The following RAPGEF5 variants were observed in gnomAD, a reference collection of about 807,000 sequenced individuals.
The protein encoded by RAPGEF5 is M-Ras-regulated GEF.
In RAPGEF5, 65 loss-of-function variants were observed where a neutral mutation model predicts 125.2. That is an observed-to-expected ratio of 0.52 (90% CI 0.43 to 0.64). The LOEUF (loss-of-function observed/expected upper bound fraction) is 0.64, where lower values mean the gene tolerates loss of function less well. RAPGEF5 is among the 30% of genes least tolerant of loss of function. The probability of loss-of-function intolerance (pLI) is 0.00; values close to 1 mark genes in which losing one functional copy is unlikely to be tolerated. For missense variants in RAPGEF5, 958 were observed against 1,048.1 expected (o/e 0.91, Z 1.19); for synonymous variants, 391 against 385.9 (o/e 1.01, Z -0.16).
chr7:22,340,997 T>G (rs1784117600), intron 1 of RAPGEF5, among the ~76,000 whole-genome samples: 1 of 152,242 alleles, frequency 6.6e-6, no homozygotes, highest in Admixed American at 6.5e-5. Context: ...TGGCCTCAGC[T>G]GCATGAGGTC....
At chr7:22,287,182 C>A (rs1197593013) in intron 6 of RAPGEF5, among the ~76,000 whole-genome samples, 1 of 152,168 alleles carries the variant, frequency 6.6e-6, no homozygotes, top group Non-Finnish European at 1.5e-5. Context: ...GTATGTCTGA[C>A]ACTTGGAAAG....
intron 5 of RAPGEF5, among the ~76,000 whole-genome samples, chr7:22,304,357 T>C (rs914901282): frequency 1.3e-5 from 2 of 152,210 alleles, no homozygotes; most frequent in East Asian, 3.8e-4. Context: ...AAAAACTTGC[T>C]GATAAACATG....
chr7:22,293,034 C>T lies in RAPGEF5; in HGVS notation c.681-1793G>A, dbSNP rs73075394. Among the ~76,000 whole-genome samples, 1,143 of 152,330 alleles carry T rather than the reference C, an allele frequency of 7.5e-3. 16 individuals are homozygous for T. The highest frequency in any genetic ancestry group is 0.054 in the South Asian group (258 of 4,816). On this transcript the variant is annotated intron_variant, in intron 5 of 25. Transcript: ENST00000665637. ...ACTGTCTTTCATTGATCTTCCAGCA[C>T]AAACCATGCCTTAGCAAAAACATCT...
chr7:22,315,551 ATATATATATATATATATT>A (rs1438939331), intron 2 of RAPGEF5, 75 bp from the exon 3 acceptor site: 6 of 414,056 alleles, frequency 1.4e-5, no homozygotes, highest in Non-Finnish European at 1.6e-5. Context: ...AGCATACTAT[ATATATATATATATATATT>A]TATATATATT....
chr7:22,214,858 G>A (rs1562765359), intron 9 of RAPGEF5, among the ~76,000 whole-genome samples: 1 of 152,096 alleles, frequency 6.6e-6, no homozygotes, highest in Non-Finnish European at 1.5e-5. Context: ...CCCTCCAGAG[G>A]CAATCAGACT....
intron 25 of RAPGEF5, among the ~76,000 whole-genome samples, chr7:22,123,573 C>G (rs1364177276): frequency 2.0e-5 from 3 of 152,054 alleles, no homozygotes; most frequent in Admixed American, 6.5e-5. Context: ...CTTTTTTCTC[C>G]TCTATAACAA....
intron 1 of RAPGEF5, among the ~76,000 whole-genome samples, chr7:22,320,688 C>T (rs528711489): frequency 1.3e-5 from 2 of 152,262 alleles, no homozygotes; most frequent in South Asian, 2.1e-4. Flanking sequence ...GGCTTCATCT[C>T]ATCACTCCTG....
rs935324344 is a variant in RAPGEF5 at position 22,137,731 on chromosome 7, C to T, written c.2278-748G>A. On this transcript the variant is annotated intron_variant, in intron 21 of 25. Transcript: ENST00000665637. The stretch of plus-strand genomic sequence containing the variant: ...GTGGTTTGGTGTGTCAGCAAGCTCT[C>T]GGATCTGTTTCTTCAGCTGAGGATG... Among the ~76,000 whole-genome samples the T allele has an allele frequency of 2.6e-5, 4 of 152,122 alleles. 1 individual carries two copies. The highest frequency in any genetic ancestry group is 1.3e-4 in the Admixed American group (2 of 15,268).
At chr7:22,329,880 C>T (rs1393150647) in intron 1 of RAPGEF5, among the ~76,000 whole-genome samples, 2 of 152,106 alleles carry the variant, frequency 1.3e-5, no homozygotes, top group African/African-American at 4.8e-5. Context: ...TCTCTGTCTC[C>T]ACTAACTGCT....
intron 25 of RAPGEF5, 65 bp from the exon 26 acceptor site, chr7:22,122,586 CA>C: frequency 8.6e-7 from 1 of 1,164,024 alleles, no homozygotes. Flanking sequence ...TACATACCAA[CA>C]AAACCCCACA....
intron 1 of RAPGEF5, 126 bp from the exon 2 acceptor site, chr7:22,318,163 A>C: frequency 1.0e-6 from 1 of 953,756 alleles, no homozygotes; most frequent in Non-Finnish European, 1.5e-6. Context: ...AATGAGCTTA[A>C]ATCTCAAATC....
intron 11 of RAPGEF5, among the ~76,000 whole-genome samples, chr7:22,180,661 A>T (rs1209812678): frequency 2.6e-5 from 4 of 152,210 alleles, no homozygotes; most frequent in African/African-American, 9.6e-5. Context: ...ACTCACAAAT[A>T]ACACATGTAC....
intron 22 of RAPGEF5, among the ~76,000 whole-genome samples, chr7:22,136,328 T>C (rs1766337397): frequency 6.6e-6 from 1 of 152,116 alleles, no homozygotes; most frequent in African/African-American, 2.4e-5. Flanking sequence ...ATTCAAGTTA[T>C]TGGTTTACAA....
chr7:22,335,724 A>G (rs1784015957), intron 1 of RAPGEF5, among the ~76,000 whole-genome samples: 2 of 151,438 alleles, frequency 1.3e-5, no homozygotes, highest in South Asian at 4.2e-4. Context: ...AACAACAACA[A>G]CAACAACGAA....
At position 22,160,401 on chromosome 7, in the gene RAPGEF5, A is replaced by C. The variant is rs1287437587; in HGVS notation, c.1526+117T>G. ...TACTACTAGAAAAGCTAAGGCATCA[A>C]GATGAATCTGAGTCAAAATGTTCAA... On this transcript the variant is annotated intron_variant, in intron 14 of 25. Transcript: ENST00000665637. 6 of 949,520 alleles carry C rather than the reference A, an allele frequency of 6.3e-6. No individual in the cohort carries two copies. The East Asian group carries it at 1.7e-4, about 26-fold the overall frequency. 58.8% of individuals were successfully genotyped at this position (949,520 alleles called of 1,614,324 possible). A position where few individuals can be genotyped will look rare whatever the true frequency, so the allele number is the denominator to read the frequency against.
intron 25 of RAPGEF5, among the ~76,000 whole-genome samples, chr7:22,124,144 C>T (rs936685411): frequency 6.6e-6 from 1 of 152,176 alleles, no homozygotes; most frequent in African/African-American, 2.4e-5. Flanking sequence ...AGGTTCAAGG[C>T]CACACAAGTT....
At position 22,167,709 on chromosome 7, in the gene RAPGEF5, C is replaced by G. The variant is rs141506788; in HGVS notation, c.1205-561G>C. Among the ~76,000 whole-genome samples, 110 of 152,278 alleles carry G rather than the reference C, an allele frequency of 7.2e-4. 2 individuals are homozygous for G. In the East Asian group the frequency reaches 0.02, roughly 28 times the overall value. ...GAAAGTGATGAGTGATTTTCTTAGT[C>G]TTGAAGAGAGACAGAACTGAGTCCA... On this transcript the variant is annotated intron_variant, in intron 11 of 25. Coordinates refer to ENST00000665637, the MANE Select transcript of RAPGEF5 (RefSeq NM_012294.5).
chr7:22,323,472 T>G (rs550845621), intron 1 of RAPGEF5, among the ~76,000 whole-genome samples: 57 of 152,344 alleles, frequency 3.7e-4, no homozygotes, highest in African/African-American at 1.3e-3. Context: ...GAATATTTCT[T>G]TTGGGCTGTG....
chr7:22,157,440 AT>A (rs1783845186), intron 15 of RAPGEF5, among the ~76,000 whole-genome samples: 1 of 152,238 alleles, frequency 6.6e-6, no homozygotes, highest in Non-Finnish European at 1.5e-5. Context: ...CTGAGAACAC[AT>A]TCCCACTTGC....
Sources: gnomAD v4.1 joint callset for allele counts (sites outside exome capture counted in the v4.1 genomes callset) on GRCh38, gnomAD v4.1.1 for gene constraint, MANE v1.5 for transcripts, NCBI Gene and HGNC (gene_info 2026-07-23, HGNC 2026-07-21) for gene names.